Variants in ACOT7 observed in about 807,000 individuals in gnomAD.
ACOT7 encodes cytosolic acyl coenzyme A thioester hydrolase.
ACOT7 carries 12 observed loss-of-function variants against 40.2 expected under a neutral mutation model. That is an observed-to-expected ratio of 0.30 (90% CI 0.19 to 0.48). The LOEUF is 0.48. Among genes scored for constraint, ACOT7 ranks in the 20% least tolerant of loss-of-function variants. The pLI is 0.99. For missense variants in ACOT7, 395 were observed against 530.8 expected (o/e 0.74, Z 2.51); for synonymous variants, 228 against 219.5 (o/e 1.04, Z -0.34).
chr1:6,382,852 C>T (rs995699571), intron 1 of ACOT7, among the ~76,000 whole-genome samples: 5 of 151,648 alleles, frequency 3.3e-5, no homozygotes, highest in African/African-American at 1.2e-4. Flanking sequence ...TATACATATA[C>T]ACATATCATT....
intron 1 of ACOT7, among the ~76,000 whole-genome samples, chr1:6,389,165 A>G (rs1040970317): frequency 6.6e-6 from 1 of 152,166 alleles, no homozygotes; most frequent in Non-Finnish European, 1.5e-5. Context: ...TGACCTGTCA[A>G]CTAGACCTCA....
intron 1 of ACOT7, among the ~76,000 whole-genome samples, chr1:6,386,606 A>G (rs1044590451): frequency 2.0e-5 from 3 of 152,192 alleles, no homozygotes; most frequent in Non-Finnish European, 4.4e-5. Flanking sequence ...CCACAATTCC[A>G]GCACTTTGGG....
In ACOT7 at chr1:6,349,871, G is replaced by A. The variant is rs767949225; in HGVS notation, c.144-5C>T. 1 of 1,613,896 alleles carries A rather than the reference G, an allele frequency of 6.2e-7. No individual in the cohort carries two copies. The highest frequency in any genetic ancestry group is 8.5e-7 in the Non-Finnish European group (1 of 1,179,878). ...GCATCATCTGGCCGCATGATCCTAG[G>A]GCAGAGGAGAAGCAGGATGAGGCCT... is the stretch of plus-strand genomic sequence containing the variant. On this transcript the variant is annotated splice_polypyrimidine_tract_variant and splice_region_variant and intron_variant, in intron 1 of 8. Coordinates refer to ENST00000361521, the MANE Select transcript of ACOT7 (RefSeq NM_007274.4).
intron 6 of ACOT7, among the ~76,000 whole-genome samples, chr1:6,305,094 C>T (rs1434214008): frequency 6.8e-6 from 1 of 147,756 alleles, no homozygotes; most frequent in Non-Finnish European, 1.5e-5. Flanking sequence ...ACATCCCTCC[C>T]GGATGGGGCG....
At position 6,330,506 on chromosome 1, in the gene ACOT7, G is replaced by A. The variant is rs1028352707; in HGVS notation, c.510+2971C>T. Among the ~76,000 whole-genome samples the A allele has an allele frequency of 1.3e-5, 2 of 152,180 alleles. No individual in the cohort carries two copies. Among genetic ancestry groups the A allele is most frequent in the Non-Finnish European group, 2.9e-5 (2 of 68,030 alleles). On this transcript the variant is annotated intron_variant, in intron 4 of 8. Coordinates refer to ENST00000361521, the MANE Select transcript of ACOT7 (RefSeq NM_007274.4). This position sits in a 1 kb window ranked among gnomAD's most constrained non-coding sequence, Gnocchi z 4.6. ...TCCCATCTGCGGCTCCGGCTGCCTC[G>A]GAGCCATGGAATGGTTTCAACAACT...
chr1:6,321,584 G>A (rs1571305278), intron 5 of ACOT7, among the ~76,000 whole-genome samples: 1 of 152,120 alleles, frequency 6.6e-6, no homozygotes, highest in Admixed American at 6.5e-5. Context: ...ATGTGATCTC[G>A]GCTCACTGCA....
intron 1 of ACOT7, among the ~76,000 whole-genome samples, chr1:6,361,063 C>T (rs1239928848): frequency 2.0e-5 from 3 of 152,206 alleles, no homozygotes; most frequent in African/African-American, 7.2e-5. Context: ...TTCACAACCA[C>T]CCAAGGATGG....
intron 5 of ACOT7, among the ~76,000 whole-genome samples, chr1:6,322,143 G>T (rs1166414073): frequency 6.6e-6 from 1 of 152,044 alleles, no homozygotes; most frequent in East Asian, 1.9e-4. Context: ...CAAAAGCCTT[G>T]GCACTTGGAG....
At chr1:6,273,489 G>C (rs902958791) in intron 8 of ACOT7, among the ~76,000 whole-genome samples, 7 of 152,216 alleles carry the variant, frequency 4.6e-5, no homozygotes, top group Non-Finnish European at 8.8e-5. Context: ...TGGATTCTGA[G>C]CCTCATGAAT....
chr1:6,311,393 C>A lies in ACOT7; in HGVS notation c.712+7099G>T, dbSNP rs1057369178. On this transcript the variant is annotated intron_variant, in intron 6 of 8. Transcript: ENST00000361521. This position sits in a 1 kb window ranked among gnomAD's most constrained non-coding sequence, Gnocchi z 5.2. ...GACGAGGGCCCCATGAGGGCCACATCTAGGCTGAAATGAGAGAGACAGGCT... is the reference window on the plus strand; with the variant it reads ...GACGAGGGCCCCATGAGGGCCACATATAGGCTGAAATGAGAGAGACAGGCT... 1.3e-5 allele frequency among the ~76,000 whole-genome samples: 2 copies of A among 152,186 alleles called. No homozygotes were observed. The highest frequency in any genetic ancestry group is 2.9e-5 in the Non-Finnish European group (2 of 68,042).
rs1436717315 is a variant in ACOT7 at position 6,294,536 on chromosome 1, T to C, written c.829+328A>G. Among the ~76,000 whole-genome samples, 1 of 152,226 alleles carries C rather than the reference T, an allele frequency of 6.6e-6. No homozygotes were observed. Among genetic ancestry groups the C allele is most frequent in the Non-Finnish European group, 1.5e-5 (1 of 68,034 alleles). ...GCTCCCAAAATGAAATGTGCTGCCA[T>C]GAGGTTTGGTGTCCAGGGTCGTGGC... On this transcript the variant is annotated intron_variant, in intron 7 of 8. Coordinates refer to ENST00000361521, the MANE Select transcript of ACOT7 (RefSeq NM_007274.4). This position sits in a 1 kb window ranked among gnomAD's most constrained non-coding sequence, Gnocchi z 4.6.
intron 5 of ACOT7, among the ~76,000 whole-genome samples, chr1:6,322,435 T>G (rs993342844): frequency 6.6e-6 from 1 of 152,352 alleles, no homozygotes; most frequent in South Asian, 2.1e-4. Context: ...TTTGAAATTC[T>G]GTGTGTGGAG....
In ACOT7 at chr1:6,359,964, A is replaced by G. The variant is rs1247726026; in HGVS notation, c.144-10098T>C. 6.6e-6 allele frequency among the ~76,000 whole-genome samples: 1 copy of G among 152,258 alleles called. No individual in the cohort carries two copies. Among genetic ancestry groups the G allele is most frequent in the Non-Finnish European group, 1.5e-5 (1 of 68,034 alleles). On this transcript the variant is annotated intron_variant, in intron 1 of 8. Transcript: ENST00000361521. This position sits in a 1 kb window ranked among gnomAD's most constrained non-coding sequence, Gnocchi z 4.1. ...TTATCAAGGCCCTTATCAAACTGCCAGAGCCTGGGCTTATTCTATCTAACC... is the reference window on the plus strand; with the variant it reads ...TTATCAAGGCCCTTATCAAACTGCCGGAGCCTGGGCTTATTCTATCTAACC...
Position 6,306,595 on chromosome 1 carries a change from A to G in ACOT7, c.713-11615T>C. ...TGTTTTCAAACACCAAGATCCTAGA[A>G]GGCGAGTACTAGAAGGAATTTAACT... On this transcript the variant is annotated intron_variant, in intron 6 of 8. Coordinates refer to ENST00000361521, the MANE Select transcript of ACOT7 (RefSeq NM_007274.4). This position sits in a 1 kb window ranked among gnomAD's most constrained non-coding sequence, Gnocchi z 4.3. The G allele has an allele frequency of 1.0e-6, 1 of 985,460 alleles. No individual in the cohort carries two copies. Among genetic ancestry groups the G allele is most frequent in the East Asian group, 1.1e-4 (1 of 8,816 alleles). The allele number at this position is 985,460 out of a possible 1,614,324, so 61.0% of individuals were successfully genotyped here. A position where few individuals can be genotyped will look rare whatever the true frequency, so the allele number is the denominator to read the frequency against.
chr1:6,284,110 A>T (rs1368855626), intron 7 of ACOT7, among the ~76,000 whole-genome samples: 5 of 152,242 alleles, frequency 3.3e-5, no homozygotes, highest in African/African-American at 9.6e-5. Flanking sequence ...CCCAGTTTCC[A>T]GGGGCCCTGG....
chr1:6,266,459 A>G (rs554814347), intron 8 of ACOT7, among the ~76,000 whole-genome samples: 1 of 152,376 alleles, frequency 6.6e-6, no homozygotes, highest in East Asian at 1.9e-4. Flanking sequence ...GTCATCTGCC[A>G]GTCTTGTAAA....
At chr1:6,270,407 TG>T (rs1306707521) in intron 8 of ACOT7, among the ~76,000 whole-genome samples, 5 of 152,170 alleles carry the variant, frequency 3.3e-5, no homozygotes, top group African/African-American at 1.2e-4. Context: ...TCTGGGGCAC[TG>T]GCCAGTGGTG....
intron 1 of ACOT7, chr1:6,360,600 T>C: frequency 6.2e-7 from 1 of 1,614,230 alleles, no homozygotes; most frequent in Non-Finnish European, 8.5e-7. Flanking sequence ...ACAGGCCCTG[T>C]CGACTTCCTT....
intron 8 of ACOT7, among the ~76,000 whole-genome samples, chr1:6,267,566 G>A (rs1386528974): frequency 6.6e-6 from 1 of 152,256 alleles, no homozygotes; most frequent in African/African-American, 2.4e-5. Flanking sequence ...GTACCAGGCA[G>A]GTTTGGGGAT....
Sources: allele counts gnomAD v4.1 joint callset (sites outside exome capture counted in the v4.1 genomes callset), GRCh38; gene constraint gnomAD v4.1.1; non-coding constraint Gnocchi (gnomAD v3.1); transcripts MANE v1.5; gene names NCBI Gene and HGNC (gene_info 2026-07-23, HGNC 2026-07-21).